CNTNAP2: variants seen among roughly 807,000 people sequenced by gnomAD.
CNTNAP2 encodes contactin-associated protein-like 2.
In CNTNAP2, 98 loss-of-function variants were observed where a neutral mutation model predicts 155.2. The observed-to-expected ratio is 0.63, with a 90% CI of 0.54 to 0.75. The LOEUF (loss-of-function observed/expected upper bound fraction) is 0.75. CNTNAP2 is among the 30% of genes least tolerant of loss of function. The probability of loss-of-function intolerance (pLI) is 0.00; values close to 1 mark genes in which losing one functional copy is unlikely to be tolerated. For missense variants in CNTNAP2, 1,727 were observed against 1,688.1 expected, an observed-to-expected ratio of 1.02 and a Z score of -0.40; for synonymous variants, 651 against 631.2, an observed-to-expected ratio of 1.03 and a Z score of -0.47.
intron 3 of CNTNAP2, among the ~76,000 whole-genome samples, chr7:146,922,774 A>T (rs1285443727): frequency 2.0e-5 from 3 of 152,186 alleles, no homozygotes; most frequent in Non-Finnish European, 1.5e-5. Context: ...ATAAAATGAG[A>T]TGCAGCATTT....
chr7:146,359,077 A>G (rs1754425016), intron 1 of CNTNAP2, among the ~76,000 whole-genome samples: 2 of 152,232 alleles, frequency 1.3e-5, no homozygotes, highest in African/African-American at 2.4e-5. Context: ...AGTCCCATTT[A>G]TTTTGATTAT....
At chr7:147,359,279 C>A (rs1796110720) in intron 9 of CNTNAP2, among the ~76,000 whole-genome samples, 1 of 152,126 alleles carries the variant, frequency 6.6e-6, no homozygotes, top group Admixed American at 6.5e-5. Flanking sequence ...ATCAGCAAAT[C>A]CTGTTGCCTT....
At chr7:147,379,136 CT>C (rs1048004187) in intron 9 of CNTNAP2, among the ~76,000 whole-genome samples, 2 of 151,994 alleles carry the variant, frequency 1.3e-5, no homozygotes, top group African/African-American at 4.8e-5. Flanking sequence ...TTCCTGAGGC[CT>C]CCCCAGCACT....
intron 13 of CNTNAP2, among the ~76,000 whole-genome samples, chr7:147,679,394 C>T (rs1262360146): frequency 6.6e-6 from 1 of 151,716 alleles, no homozygotes; most frequent in Admixed American, 6.6e-5. Context: ...CACAAAGAAA[C>T]TAACAAATCA....
intron 1 of CNTNAP2, among the ~76,000 whole-genome samples, chr7:146,677,956 C>T (rs1800432299): frequency 6.6e-6 from 1 of 152,040 alleles, no homozygotes; most frequent in Non-Finnish European, 1.5e-5. Context: ...GCCTGCATAC[C>T]TCGCATAGTT....
At chr7:147,291,914 A>G (rs1805322167) in intron 8 of CNTNAP2, among the ~76,000 whole-genome samples, 1 of 152,138 alleles carries the variant, frequency 6.6e-6, no homozygotes, top group Admixed American at 6.5e-5. Context: ...ATAGATCTTT[A>G]TTTGGGATGT....
intron 8 of CNTNAP2, among the ~76,000 whole-genome samples, chr7:147,245,421 C>T (rs968879374): frequency 6.6e-6 from 1 of 152,030 alleles, no homozygotes; most frequent in Non-Finnish European, 1.5e-5. Context: ...ACCTCAGCCT[C>T]CACAGAGCAT....
Position 148,419,997 on chromosome 7 carries a change from A to G in CNTNAP2, c.*4381A>G, listed in dbSNP as rs1180406348. 1 of 152,214 alleles carries G rather than the reference A, an allele frequency of 6.6e-6. No homozygotes were observed. The highest frequency in any genetic ancestry group is 2.4e-5 in the African/African-American group (1 of 41,448). The allele number at this position is 152,214 out of a possible 1,614,324, so 9.4% of individuals were successfully genotyped here. On this transcript the variant is annotated 3_prime_UTR_variant, in exon 24 of 24. Transcript: ENST00000361727. ...ACTGAAGTCAACGGAGCCTAGTGAAAGACTTACTTTGTGGCTTGTGGTTGA... is the reference window on the plus strand; with the variant it reads ...ACTGAAGTCAACGGAGCCTAGTGAAGGACTTACTTTGTGGCTTGTGGTTGA...
intron 11 of CNTNAP2, among the ~76,000 whole-genome samples, chr7:147,510,850 C>CATATAAATATATATATATATAT (rs1799003880): frequency 1.3e-5 from 1 of 76,436 alleles, no homozygotes; most frequent in Non-Finnish European, 2.4e-5. Flanking sequence ...GGCCTACAAC[C>CATATAAATATATATATATATAT]ATATATATAT....
intron 14 of CNTNAP2, among the ~76,000 whole-genome samples, chr7:147,910,040 T>C (rs1800034206): frequency 6.6e-6 from 1 of 152,190 alleles, no homozygotes; most frequent in African/African-American, 2.4e-5. Flanking sequence ...CCAACTTTTA[T>C]AGCAGCTGAG....
chr7:146,123,576 A>G (rs964700993), intron 1 of CNTNAP2, among the ~76,000 whole-genome samples: 2 of 152,230 alleles, frequency 1.3e-5, no homozygotes, highest in Non-Finnish European at 2.9e-5. Flanking sequence ...ACCTCTATGC[A>G]TTAGATGTCA....
intron 13 of CNTNAP2, among the ~76,000 whole-genome samples, chr7:147,765,799 ATAAC>A (rs1797373652): frequency 6.6e-6 from 1 of 152,206 alleles, no homozygotes; most frequent in Non-Finnish European, 1.5e-5. Flanking sequence ...TCTCCTAATT[ATAAC>A]TAATTCAGCA....
chr7:147,387,849 A>G (rs1045186763), intron 9 of CNTNAP2, among the ~76,000 whole-genome samples: 1 of 152,180 alleles, frequency 6.6e-6, no homozygotes, highest in African/African-American at 2.4e-5. Context: ...TTAAGGAGAT[A>G]GTTTGAGGCT....
intron 8 of CNTNAP2, among the ~76,000 whole-genome samples, chr7:147,199,471 G>A (rs1464453371): frequency 2.0e-5 from 3 of 152,122 alleles, no homozygotes; most frequent in Non-Finnish European, 4.4e-5. Context: ...AGTATACTAC[G>A]TTTCAAACTC....
chr7:148,335,734 G>A (rs574617210), intron 21 of CNTNAP2, among the ~76,000 whole-genome samples: 4 of 152,154 alleles, frequency 2.6e-5, no homozygotes, highest in Admixed American at 6.5e-5. Context: ...CTTCATCTCC[G>A]TCTGCTGACT....
chr7:146,699,701 C>A, intron 1 of CNTNAP2, among the ~76,000 whole-genome samples: 1 of 152,034 alleles, frequency 6.6e-6, no homozygotes. Context: ...GGCATGTTGA[C>A]CCATGCCTGT....
intron 3 of CNTNAP2, among the ~76,000 whole-genome samples, chr7:146,881,251 C>T (rs917093288): frequency 6.6e-6 from 1 of 152,058 alleles, no homozygotes; most frequent in African/African-American, 2.4e-5. Context: ...CAAGAATAAA[C>T]TGAATAATCT....
At chr7:147,491,688 A>G (rs1374500943) in intron 11 of CNTNAP2, among the ~76,000 whole-genome samples, 1 of 152,206 alleles carries the variant, frequency 6.6e-6, no homozygotes, top group Non-Finnish European at 1.5e-5. Context: ...CCAGAGCAAC[A>G]GTGTTTTCTT....
At chr7:147,040,107 A>C (rs1039905196) in intron 3 of CNTNAP2, among the ~76,000 whole-genome samples, 3 of 152,226 alleles carry the variant, frequency 2.0e-5, no homozygotes, top group Admixed American at 1.3e-4. Flanking sequence ...ACAAATTTAC[A>C]AGAGTAAAAC....
Sources: gnomAD v4.1 joint callset for allele counts (sites outside exome capture counted in the v4.1 genomes callset) on GRCh38, gnomAD v4.1.1 for gene constraint, MANE v1.5 for transcripts, NCBI Gene and HGNC (gene_info 2026-07-23, HGNC 2026-07-21) for gene names.